Variants in JMJD1C observed in about 807,000 individuals in gnomAD.
JMJD1C encodes jumonji domain-containing protein 1C.
JMJD1C carries 31 observed loss-of-function variants against 245.3 expected under a neutral mutation model. The ratio of observed to expected loss-of-function variants is 0.13; its 90% CI spans 0.09 to 0.17. The LOEUF is 0.17. Among genes scored for constraint, JMJD1C ranks in the 10% least tolerant of loss-of-function variants. JMJD1C has a pLI of 1.00. For synonymous variants in JMJD1C, 1,057 were observed against 1,017.4 expected (o/e 1.04, Z -0.74); for missense variants, 2,691 against 3,000.2 (o/e 0.90, Z 2.41).
intron 1 of JMJD1C, among the ~76,000 whole-genome samples, chr10:63,487,032 T>A (rs970348913): frequency 7.9e-5 from 12 of 152,204 alleles, no homozygotes; most frequent in Non-Finnish European, 1.6e-4. Context: ...ATGGTTGGCA[T>A]CACAAAATTG....
rs1181628314 is a variant in JMJD1C, at chr10:63,214,214, A to G, written c.1953T>C (p.His651=). ...CCTTAGACTTTACAGAATCAGGAGAATGAGTTATTTTGGGTTTAACAACTT... is the reference window on the plus strand; with the variant it reads ...CCTTAGACTTTACAGAATCAGGAGAGTGAGTTATTTTGGGTTTAACAACTT... ...SPEVVKPKIT[H]SPDSVKSKAT... Residue 651 remains histidine (H), a synonymous_variant, in exon 8 of 26, where the codon CAT becomes CAC. Transcript: ENST00000399262. 2 of 1,614,024 alleles carry G rather than the reference A, an allele frequency of 1.2e-6. No individual in the cohort carries two copies. The highest frequency in any genetic ancestry group is 1.7e-6 in the Non-Finnish European group (2 of 1,179,980).
At chr10:63,393,873 G>A (rs1948268581) in intron 1 of JMJD1C, among the ~76,000 whole-genome samples, 1 of 152,108 alleles carries the variant, frequency 6.6e-6, no homozygotes, top group South Asian at 2.1e-4. Context: ...CTGGTTTGAA[G>A]ACTGCATATA....
chr10:63,484,768 A>G (rs187883428), intron 1 of JMJD1C, among the ~76,000 whole-genome samples: 13 of 152,254 alleles, frequency 8.5e-5, no homozygotes, highest in Non-Finnish European at 1.6e-4. Context: ...TTTAATTTCT[A>G]TTGAGCTTTG....
intron 2 of JMJD1C, among the ~76,000 whole-genome samples, chr10:63,363,431 TG>T (rs958849000): frequency 6.6e-6 from 1 of 151,560 alleles, no homozygotes; most frequent in Non-Finnish European, 1.5e-5. Context: ...GCTAATTTTT[TG>T]TTTTTGGTAG....
chr10:63,394,058 G>C (rs114177964), intron 1 of JMJD1C, among the ~76,000 whole-genome samples: 1 of 151,888 alleles, frequency 6.6e-6, no homozygotes, highest in Non-Finnish European at 1.5e-5. Flanking sequence ...GGTAGTGTGC[G>C]CACCTGCAGT....
At chr10:63,338,640 ATTTTTT>A (rs34238197) in intron 2 of JMJD1C, among the ~76,000 whole-genome samples, 10 of 95,126 alleles carry the variant, frequency 1.1e-4, no homozygotes, top group Non-Finnish European at 2.0e-4. Flanking sequence ...TGCTCCTTAG[ATTTTTT>A]TTTTTTTTTT....
chr10:63,174,679 C>T lies in JMJD1C; in HGVS notation c.7401+1618G>A, dbSNP rs551355215. ...AAAAACCCCATCTCTACTAAAAATA[C>T]AAAATTAGACAGGCGTGGTGGTGCA... On this transcript the variant is annotated intron_variant, in intron 24 of 25. Coordinates refer to ENST00000399262, the MANE Select transcript of JMJD1C (RefSeq NM_032776.3). Among the ~76,000 whole-genome samples, 92 of 152,068 alleles carry T rather than the reference C, an allele frequency of 6.0e-4. 1 individual carries two copies. Among genetic ancestry groups the T allele is most frequent in the African/African-American group, 2.2e-3 (90 of 41,474 alleles).
chr10:63,450,746 C>CT (rs1952010197), intron 1 of JMJD1C, among the ~76,000 whole-genome samples: 1 of 152,082 alleles, frequency 6.6e-6, no homozygotes, highest in South Asian at 2.1e-4. Flanking sequence ...AGCTTTTTCT[C>CT]TAAGATCAAG....
chr10:63,448,605 G>C (rs1305597386), intron 1 of JMJD1C, among the ~76,000 whole-genome samples: 1 of 152,184 alleles, frequency 6.6e-6, no homozygotes, highest in Non-Finnish European at 1.5e-5. Flanking sequence ...ACATGAGAAA[G>C]TCAGTTTGCT....
intron 8 of JMJD1C, 72 bp from the exon 9 acceptor site, chr10:63,209,307 T>C (rs1847040646): frequency 3.2e-6 from 4 of 1,254,212 alleles, no homozygotes; most frequent in South Asian, 1.8e-5. Context: ...CGTGTCACAG[T>C]AGAACTGGGT....
At chr10:63,319,994 G>A (rs1012830075) in intron 2 of JMJD1C, among the ~76,000 whole-genome samples, 2 of 152,104 alleles carry the variant, frequency 1.3e-5, no homozygotes, top group Non-Finnish European at 2.9e-5. Flanking sequence ...TCAAACTCCT[G>A]ACCTCAGGTG....
intron 1 of JMJD1C, among the ~76,000 whole-genome samples, chr10:63,395,245 A>G (rs1473025096): frequency 6.6e-6 from 1 of 152,150 alleles, no homozygotes; most frequent in Admixed American, 6.5e-5. Flanking sequence ...TTGGGAGGCC[A>G]AGGCAAGCAG....
chr10:63,295,162 A>C (rs1859222465), intron 2 of JMJD1C, among the ~76,000 whole-genome samples: 1 of 152,014 alleles, frequency 6.6e-6, no homozygotes, highest in Non-Finnish European at 1.5e-5. Flanking sequence ...ATCATGGCTC[A>C]GTCTCACTGC....
chr10:63,236,636 A>G (rs1424605365), intron 3 of JMJD1C, among the ~76,000 whole-genome samples: 1 of 152,222 alleles, frequency 6.6e-6, no homozygotes, highest in East Asian at 1.9e-4. Flanking sequence ...AAACTGAAAC[A>G]AACTCAGGAA....
In JMJD1C at chr10:63,214,686, A is replaced by G. The variant is rs1475470529; in HGVS notation, c.1481T>C (p.Leu494Pro). 6.2e-7 allele frequency: 1 copy of G among 1,613,958 alleles called. No homozygotes were observed. The highest frequency in any genetic ancestry group is 2.2e-5 in the East Asian group (1 of 44,876). ...NMDKTHTMEL[L>P]PKEKFVSRPP... The stretch of plus-strand genomic sequence containing the variant: ...TCTGGATACAAACTTCTCCTTTGGT[A>G]GCAATTCCATGGTATGTGTTTTATC... Residue 494 changes from leucine (L) to proline (P), a missense_variant, in exon 8 of 26, where the codon CTA becomes CCA. This residue lies in a region of JMJD1C where 1,562 missense variants were observed against 1,490.7 expected (regional missense o/e 1.05). Coordinates refer to ENST00000399262, the MANE Select transcript of JMJD1C (RefSeq NM_032776.3).
intron 1 of JMJD1C, among the ~76,000 whole-genome samples, chr10:63,477,120 TTAA>T (rs1160626537): frequency 1.3e-5 from 2 of 152,152 alleles, no homozygotes; most frequent in African/African-American, 4.8e-5. Context: ...TGCATCAGTA[TTAA>T]TAATATTCTA....
At chr10:63,288,858 G>A (rs1163503240) in intron 2 of JMJD1C, among the ~76,000 whole-genome samples, 3 of 149,984 alleles carry the variant, frequency 2.0e-5, no homozygotes, top group Admixed American at 6.7e-5. Context: ...CAGCCTGGGC[G>A]ACAAAGTGAC....
At chr10:63,399,031 A>G (rs1354155574) in intron 1 of JMJD1C, among the ~76,000 whole-genome samples, 2 of 152,138 alleles carry the variant, frequency 1.3e-5, no homozygotes, top group African/African-American at 2.4e-5. Flanking sequence ...TAAATCCTTG[A>G]TTTTTATGAG....
chr10:63,230,453 C>T (rs2133382700), intron 3 of JMJD1C, among the ~76,000 whole-genome samples: 1 of 152,214 alleles, frequency 6.6e-6, no homozygotes, highest in African/African-American at 2.4e-5. Context: ...AACATTTAAT[C>T]ATAAGAATTT....
Sources: gnomAD v4.1 joint callset for allele counts (sites outside exome capture counted in the v4.1 genomes callset) on GRCh38, gnomAD v4.1.1 for gene constraint, gnomAD v4.1.1 regional missense constraint, MANE v1.5 for transcripts, NCBI Gene and HGNC (gene_info 2026-07-23, HGNC 2026-07-21) for gene names.